Variants in PDE1A observed in about 807,000 individuals in gnomAD.
The protein encoded by PDE1A is phosphodiesterase 1A, also known as dual specificity calcium/calmodulin-dependent 3',5'-cyclic nucleotide phosphodiesterase 1A.
A neutral mutation model predicts 61.7 loss-of-function variants in PDE1A; 35 were observed. That is an observed-to-expected ratio of 0.57 (90% CI 0.43 to 0.75). The LOEUF (loss-of-function observed/expected upper bound fraction) is 0.75. PDE1A is among the 30% of genes least tolerant of loss of function. PDE1A has a pLI of 0.00. For synonymous variants in PDE1A, 232 were observed against 213.2 expected (o/e 1.09, Z -0.77); for missense variants, 597 against 630.6 (o/e 0.95, Z 0.57).
the PDE1A span, among the ~76,000 whole-genome samples, chr2:182,589,404 C>G: frequency 6.6e-6 from 1 of 151,858 alleles, no homozygotes; most frequent in African/African-American, 2.4e-5. Flanking sequence ...TGTAGAGATT[C>G]CCTAGCCCAA....
intron 1 of PDE1A, among the ~76,000 whole-genome samples, chr2:182,284,365 A>T (rs1365093784): frequency 6.6e-6 from 1 of 152,132 alleles, no homozygotes; most frequent in Non-Finnish European, 1.5e-5. Flanking sequence ...TTACTGACTG[A>T]TATATCACTA....
chr2:182,650,063 G>C, the PDE1A span, among the ~76,000 whole-genome samples: 12 of 152,034 alleles, frequency 7.9e-5, no homozygotes, highest in African/African-American at 2.9e-4. Context: ...CTCCAGCCTA[G>C]GTGATAGAGC....
chr2:182,168,002 T>C (rs533785797), exon 14 of PDE1A: 523 of 1,217,588 alleles, frequency 4.3e-4, no homozygotes, highest in Non-Finnish European at 5.1e-4. Context: ...TTGAAACAGA[T>C]ATCTGAAAGC....
chr2:182,546,909 T>C, the PDE1A span, among the ~76,000 whole-genome samples: 1 of 152,188 alleles, frequency 6.6e-6, no homozygotes, highest in Non-Finnish European at 1.5e-5. Context: ...ATAGAAGTTA[T>C]TAAAAAGTTC....
intron 1 of PDE1A, among the ~76,000 whole-genome samples, chr2:182,292,759 T>C (rs570408622): frequency 2.0e-5 from 3 of 152,230 alleles, no homozygotes; most frequent in South Asian, 4.1e-4. Context: ...TCTCTCTTTC[T>C]TACCTTTTAA....
chr2:182,482,921 C>A (rs749198240), intron 2 of PDE1A, among the ~76,000 whole-genome samples: 1 of 151,894 alleles, frequency 6.6e-6, no homozygotes, highest in South Asian at 2.1e-4. Context: ...ACGCAAAGAC[C>A]AGATCCAACC....
chr2:182,155,231 A>G (rs1442249456), intron 13 of PDE1A, among the ~76,000 whole-genome samples: 4 of 151,758 alleles, frequency 2.6e-5, no homozygotes, highest in African/African-American at 4.8e-5. Context: ...GGAACTACAC[A>G]AGCACACCAC....
chr2:182,396,491 G>A (rs760697885), intron 1 of PDE1A, among the ~76,000 whole-genome samples: 5 of 152,218 alleles, frequency 3.3e-5, no homozygotes, highest in African/African-American at 9.7e-5. Flanking sequence ...TACCAGCTAC[G>A]ACTACATGAC....
chr2:182,157,011 TTTATTTTA>T, intron 13 of PDE1A, among the ~76,000 whole-genome samples: 1 of 135,738 alleles, frequency 7.4e-6, no homozygotes, highest in Non-Finnish European at 1.5e-5. Context: ...TTTATTTTAT[TTTATTTTA>T]TTTTTTTTTT....
At chr2:182,626,329 A>G in the PDE1A span, among the ~76,000 whole-genome samples, 2 of 152,184 alleles carry the variant, frequency 1.3e-5, no homozygotes. Context: ...AATTTCAGAG[A>G]AAGGTTAGTG....
chr2:182,367,841 TA>T (rs1054117126), intron 1 of PDE1A, among the ~76,000 whole-genome samples: 1 of 152,118 alleles, frequency 6.6e-6, no homozygotes, highest in African/African-American at 2.4e-5. Context: ...TATCTGTCTT[TA>T]AAAAAATCCA....
the PDE1A span, among the ~76,000 whole-genome samples, chr2:182,563,324 A>G: frequency 6.6e-6 from 1 of 152,110 alleles, no homozygotes; most frequent in Non-Finnish European, 1.5e-5. Context: ...CCCAGTAGTC[A>G]TTCAGGAGCA....
At chr2:182,624,036 A>G in the PDE1A span, among the ~76,000 whole-genome samples, 1 of 151,262 alleles carries the variant, frequency 6.6e-6, no homozygotes, top group Non-Finnish European at 1.5e-5. Context: ...GAGGCAGGAG[A>G]ATGGCGTGAA....
At chr2:182,692,185 A>G in the PDE1A span, among the ~76,000 whole-genome samples, 2 of 152,164 alleles carry the variant, frequency 1.3e-5, no homozygotes, top group African/African-American at 2.4e-5. Context: ...TATGTACCCA[A>G]AGGAATATAA....
chr2:182,614,776 T>C, the PDE1A span, among the ~76,000 whole-genome samples: 60,751 of 151,970 alleles, frequency 0.4, 13,570 homozygotes, highest in East Asian at 0.58. Flanking sequence ...AGGCTGGTCT[T>C]GAACTCCTAA....
At chr2:182,300,315 C>A (rs1482548193) in intron 1 of PDE1A, among the ~76,000 whole-genome samples, 1 of 152,142 alleles carries the variant, frequency 6.6e-6, no homozygotes, top group African/African-American at 2.4e-5. Context: ...GTTTTTCATA[C>A]CTATGGCTTC....
intron 7 of PDE1A, among the ~76,000 whole-genome samples, chr2:182,215,987 C>G (rs1421889710): frequency 4.8e-5 from 5 of 104,874 alleles, no homozygotes; most frequent in Non-Finnish European, 3.8e-5. Context: ...AGACCAATAT[C>G]CTTGATGAAC....
At chr2:182,253,357 G>C (rs1354985047) in intron 2 of PDE1A, among the ~76,000 whole-genome samples, 1 of 152,074 alleles carries the variant, frequency 6.6e-6, no homozygotes. Flanking sequence ...TTAAAATCAG[G>C]AAGTCAATGA....
the PDE1A span, among the ~76,000 whole-genome samples, chr2:182,687,872 T>C: frequency 2.0e-5 from 3 of 152,090 alleles, no homozygotes; most frequent in Admixed American, 6.6e-5. Context: ...ACAAGAACTA[T>C]GCGATGAATG....
Sources: gnomAD v4.1 joint callset for allele counts (sites outside exome capture counted in the v4.1 genomes callset) on GRCh38, gnomAD v4.1.1 for gene constraint, MANE v1.5 for transcripts, NCBI Gene and HGNC (gene_info 2026-07-23, HGNC 2026-07-21) for gene names.